CDKL5: variants seen among roughly 807,000 people sequenced by gnomAD.
CDKL5 encodes cyclin dependent kinase like 5, also known as cyclin-dependent kinase-like 5.
In CDKL5, 8 loss-of-function variants were observed where a neutral mutation model predicts 61.7. The observed-to-expected ratio is 0.13, with a 90% CI of 0.08 to 0.23. The LOEUF (loss-of-function observed/expected upper bound fraction) is 0.23. Among genes scored for constraint, CDKL5 ranks in the 10% least tolerant of loss-of-function variants. CDKL5 has a pLI of 1.00. For synonymous variants in CDKL5, 275 were observed against 272.3 expected, an observed-to-expected ratio of 1.01 and a Z score of -0.10; for missense variants, 440 against 734.5, an observed-to-expected ratio of 0.60 and a Z score of 4.63.
chrX:18,634,397 C>T lies in CDKL5; in HGVS notation c.*5640C>T. On this transcript the variant is annotated 3_prime_UTR_variant, in exon 18 of 18. Transcript: ENST00000623535. ...GGAATAGAAAAGGTAGATGCCTTGA[C>T]TTTTGTCCCTGTTGTGGGGACTAAA... 1.3e-6 allele frequency: 1 copy of T among 754,051 alleles called. No individual in the cohort carries two copies. Among genetic ancestry groups the T allele is most frequent in the Non-Finnish European group, 1.6e-6 (1 of 638,930 alleles). The allele number at this position is 754,051 out of a possible 1,213,427, so 62.1% of individuals were successfully genotyped here.
At chrX:18,486,887 T>G (rs1921810526) in intron 1 of CDKL5, among the ~76,000 whole-genome samples, 1 of 111,467 alleles carries the variant, frequency 9.0e-6, no homozygotes, top group Admixed American at 9.6e-5. Context: ...TATTGTCTCC[T>G]TATTCACTAC....
rs1370580187 is a variant in CDKL5, at chrX:18,629,765, C to A, written c.*1008C>A. On this transcript the variant is annotated 3_prime_UTR_variant, in exon 18 of 18. Coordinates refer to ENST00000623535, the MANE Select transcript of CDKL5 (RefSeq NM_001323289.2). Reference sequence around the variant, plus strand: ...CCAGCAGGCCTGGTTTCCGTCCTCACACACTTGGCTCCTGTTTGTGTCCAG... The same window carrying A: ...CCAGCAGGCCTGGTTTCCGTCCTCAAACACTTGGCTCCTGTTTGTGTCCAG... 13 of 754,567 alleles carry A rather than the reference C, an allele frequency of 1.7e-5. No individual in the cohort carries two copies. The highest frequency in any genetic ancestry group is 2.0e-5 in the Non-Finnish European group (13 of 639,448). 62.2% of individuals were successfully genotyped at this position (754,567 alleles called of 1,213,427 possible). A position where few individuals can be genotyped will look rare whatever the true frequency, so the allele number is the denominator to read the frequency against.
intron 10 of CDKL5, among the ~76,000 whole-genome samples, chrX:18,596,872 G>A (rs1267146266): frequency 8.9e-6 from 1 of 112,110 alleles, no homozygotes; most frequent in African/African-American, 3.2e-5. Flanking sequence ...AAGATTACCC[G>A]AATCATCCTG....
At position 18,584,364 on chromosome X, in the gene CDKL5, G is replaced by A. The variant is rs267608498; in HGVS notation, c.554+11G>A. On this transcript the variant is annotated intron_variant, in intron 8 of 17. Coordinates refer to ENST00000623535, the MANE Select transcript of CDKL5 (RefSeq NM_001323289.2). ...AGAACTCTTACTTGGGTGAGTTACC[G>A]TCCCAAAATAGAATGACATTTCCAC... The A allele has an allele frequency of 4.0e-5, 43 of 1,082,464 alleles. No individual in the cohort carries two copies. Among genetic ancestry groups the A allele is most frequent in the South Asian group, 2.2e-4 (12 of 53,959 alleles). 89.2% of individuals were successfully genotyped at this position (1,082,464 alleles called of 1,213,427 possible). A position where few individuals can be genotyped will look rare whatever the true frequency, so the allele number is the denominator to read the frequency against.
At chrX:18,553,093 T>C (rs749297404) in intron 3 of CDKL5, among the ~76,000 whole-genome samples, 9 of 110,741 alleles carry the variant, frequency 8.1e-5, no homozygotes, top group African/African-American at 2.0e-4. Flanking sequence ...TACAGGACAG[T>C]GGACCCATTT....
At chrX:18,580,734 C>G (rs1351221865) in intron 6 of CDKL5, among the ~76,000 whole-genome samples, 1 of 111,730 alleles carries the variant, frequency 9.0e-6, no homozygotes, top group Non-Finnish European at 1.9e-5. Context: ...TAAAAAATTG[C>G]AGTATTTACT....
At position 18,619,735 on chromosome X, in the gene CDKL5, T is replaced by G. The variant is rs751247752; in HGVS notation, c.2277-132T>G. On this transcript the variant is annotated intron_variant, in intron 15 of 17. Coordinates refer to ENST00000623535, the MANE Select transcript of CDKL5 (RefSeq NM_001323289.2). ...TCCTCCTGTGCTTTTTTAGAGGCTC[T>G]TTACCCAAGTGTTTGATTCTTCCCG... 20 of 476,599 alleles carry G rather than the reference T, an allele frequency of 4.2e-5. No homozygotes were observed. The East Asian group carries it at 6.8e-4, about 16-fold the overall frequency. 39.3% of individuals were successfully genotyped at this position (476,599 alleles called of 1,213,427 possible).
intron 3 of CDKL5, among the ~76,000 whole-genome samples, chrX:18,539,075 C>T (rs1923936145): frequency 1.8e-5 from 2 of 111,279 alleles, no homozygotes; most frequent in African/African-American, 6.5e-5. Flanking sequence ...TAGAGATCTT[C>T]CTTGTTTTGT....
chrX:18,603,379 T>C (rs775069138), intron 11 of CDKL5, among the ~76,000 whole-genome samples: 1 of 112,482 alleles, frequency 8.9e-6, no homozygotes, highest in Admixed American at 9.4e-5. Context: ...CATTCTTTGA[T>C]TATGCAGGCA....
intron 1 of CDKL5, among the ~76,000 whole-genome samples, chrX:18,499,874 A>G (rs991303982): frequency 2.1e-4 from 24 of 112,186 alleles, no homozygotes; most frequent in Admixed American, 5.7e-4. Flanking sequence ...CTGTAGCAGT[A>G]TTGTGAGGCC....
chrX:18,634,386 AGATGCCTTGACTTTTGTCCCTGTTGT>A lies in CDKL5; in HGVS notation c.*5631_*5656del, dbSNP rs1372186920. ...GAAGAAACCCAGGAATAGAAAAGGT[AGATGCCTTGACTTTTGTCCCTGTTGT>A]GGGGACTAAAGTGTTTTTTGCCAGA... On this transcript the variant is annotated 3_prime_UTR_variant, in exon 18 of 18. Coordinates refer to ENST00000623535, the MANE Select transcript of CDKL5 (RefSeq NM_001323289.2). 3.6e-4 allele frequency: 268 copies of A among 752,628 alleles called. No homozygotes were observed. The highest frequency in any genetic ancestry group is 4.1e-4 in the Non-Finnish European group (261 of 639,041). The allele number at this position is 752,628 out of a possible 1,213,427, so 62.0% of individuals were successfully genotyped here.
intron 17 of CDKL5, among the ~76,000 whole-genome samples, chrX:18,625,485 A>G (rs763229005): frequency 8.6e-4 from 96 of 111,393 alleles, no homozygotes; most frequent in African/African-American, 3.1e-3. Context: ...ACCTAGCTGG[A>G]GGCAACTGAA....
In CDKL5 at chrX:18,581,865, AT is replaced by A. The variant is rs748656624; in HGVS notation, c.404-16del. 1,675 of 964,142 alleles carry A rather than the reference AT, an allele frequency of 1.7e-3. No individual in the cohort carries two copies. Among genetic ancestry groups the A allele is most frequent in the Non-Finnish European group, 2.2e-3 (1,492 of 690,345 alleles). The allele number at this position is 964,142 out of a possible 1,213,427, so 79.5% of individuals were successfully genotyped here. ...AGGAGAACATAGAACATTTTTACTA[AT>A]TTTTTTTTTATCTTGACACTCCAGA... On this transcript the variant is annotated intron_variant, in intron 6 of 17. Transcript: ENST00000623535.
intron 1 of CDKL5, among the ~76,000 whole-genome samples, chrX:18,473,794 C>T (rs185395144): frequency 9.3e-6 from 1 of 107,595 alleles, no homozygotes; most frequent in African/African-American, 3.4e-5. Flanking sequence ...CTCACTGCAA[C>T]CTATGCCTCC....
At position 18,543,600 on chromosome X, in the gene CDKL5, G is replaced by A. The variant is rs1035451115; in HGVS notation, c.100-20877G>A. On this transcript the variant is annotated intron_variant, in intron 3 of 17. Coordinates refer to ENST00000623535, the MANE Select transcript of CDKL5 (RefSeq NM_001323289.2). ...GAAAATTCTAAAATCTGTTAACACC[G>A]TTTTGTATAATAGTAACATATTTTA... 3.6e-5 allele frequency among the ~76,000 whole-genome samples: 4 copies of A among 111,421 alleles called. No homozygotes were observed. In the South Asian group the frequency reaches 1.1e-3, roughly 32 times the overall value.
chrX:18,514,600 G>A lies in CDKL5; in HGVS notation c.99+3746G>A, dbSNP rs372199549. Among the ~76,000 whole-genome samples the A allele has an allele frequency of 3.7e-5, 4 of 107,372 alleles. No homozygotes were observed. In the East Asian group the frequency reaches 9.0e-4, roughly 24 times the overall value. The allele number at this position is 107,372 out of a possible 115,157, so 93.2% of individuals were successfully genotyped here. A position where few individuals can be genotyped will look rare whatever the true frequency, so the allele number is the denominator to read the frequency against. ...CGCATGCTTTTAGTCCCAGCTACTC[G>A]GGAGGCTGAGGCAAGAGAGTCACTT... On this transcript the variant is annotated intron_variant, in intron 3 of 17. Coordinates refer to ENST00000623535, the MANE Select transcript of CDKL5 (RefSeq NM_001323289.2).
At chrX:18,510,075 C>T (rs1165362114) in intron 2 of CDKL5, among the ~76,000 whole-genome samples, 1 of 109,875 alleles carries the variant, frequency 9.1e-6, no homozygotes, top group Non-Finnish European at 1.9e-5. Flanking sequence ...TTAATGTCTT[C>T]TAGAACAGAT....
At chrX:18,558,523 A>C (rs956767924) in intron 3 of CDKL5, among the ~76,000 whole-genome samples, 1 of 111,876 alleles carries the variant, frequency 8.9e-6, no homozygotes, top group Non-Finnish European at 1.9e-5. Flanking sequence ...AATACCCATG[A>C]AGTTCTGCAG....
At chrX:18,594,996 T>A (rs1166950887) in intron 9 of CDKL5, among the ~76,000 whole-genome samples, 1 of 111,091 alleles carries the variant, frequency 9.0e-6, no homozygotes, top group Non-Finnish European at 1.9e-5. Context: ...GCCTGGCCAA[T>A]GTAGTGAAAC....
Sources: gnomAD v4.1 joint callset for allele counts (sites outside exome capture counted in the v4.1 genomes callset) on GRCh38, gnomAD v4.1.1 for gene constraint, MANE v1.5 for transcripts, NCBI Gene and HGNC (gene_info 2026-07-23, HGNC 2026-07-21) for gene names.